Variants in KMT2A observed in about 807,000 individuals in gnomAD.
KMT2A encodes the protein lysine methyltransferase 2A.
In KMT2A, 16 loss-of-function variants were observed where a neutral mutation model predicts 345.3. That is an observed-to-expected ratio of 0.05 (90% CI 0.03 to 0.07). The LOEUF (loss-of-function observed/expected upper bound fraction) is 0.07, where lower values mean the gene tolerates loss of function less well. KMT2A is among the 10% of genes least tolerant of loss of function. The pLI, the probability that KMT2A is intolerant of heterozygous loss-of-function variation, is 1.00. For missense variants in KMT2A, 3,272 were observed against 4,841.6 expected (o/e 0.68, Z 9.62); for synonymous variants, 1,599 against 1,778.6 (o/e 0.90, Z 2.54).
In KMT2A at chr11:118,505,937, A is replaced by C; in HGVS notation, c.10045A>C (p.Met3349Leu). The change falls in exon 27 of 36, where the codon ATG becomes CTG. Residue 3349 changes from methionine (M) to leucine (L), a missense_variant. Met to Leu is a conservative substitution (Grantham distance 15). This residue lies in a region of KMT2A where 748 missense variants were observed against 922.2 expected (regional missense o/e 0.81). Transcript: ENST00000534358. The surrounding 1 kb of genome is among the most constrained non-coding windows in gnomAD (Gnocchi z 4.6). ...TTCCTCTGTCTTGAATGTTGTATCC[A>C]TGCAAACTACCACAACCCCTACAAG... The part of the protein sequence containing the change: ...SSSSVLNVVS[M>L]QTTTTPTSSA... 1 of 1,614,172 alleles carries C rather than the reference A, an allele frequency of 6.2e-7. No individual in the cohort carries two copies. The highest frequency in any genetic ancestry group is 1.1e-5 in the South Asian group (1 of 91,080).
intron 1 of KMT2A, among the ~76,000 whole-genome samples, chr11:118,445,082 G>T (rs1269450509): frequency 2.0e-5 from 3 of 151,904 alleles, no homozygotes; most frequent in Non-Finnish European, 4.4e-5. Context: ...CAAAATAACT[G>T]GTTTTTATTA....
chr11:118,496,312 T>C lies in KMT2A; in HGVS notation c.5609T>C (p.Ile1870Thr), dbSNP rs781950327. The part of the protein sequence containing the change: ...DSPELNPPPG[I>T]EDNRQCALCL... ...CCAGAGCTGAACCCACCCCCAGGCATAGAAGACAATAGACAGTGTGCGTTA... is the reference window on the plus strand; with the variant it reads ...CCAGAGCTGAACCCACCCCCAGGCACAGAAGACAATAGACAGTGTGCGTTA... The change falls in exon 20 of 36, where the codon ATA becomes ACA. Residue 1870 changes from isoleucine (I) to threonine (T), a missense_variant. Ile to Thr is a moderately conservative substitution (Grantham distance 89, BLOSUM62 -1). Transcript: ENST00000534358. This position sits in a 1 kb window ranked among gnomAD's most constrained non-coding sequence, Gnocchi z 4.7. 4.3e-6 allele frequency: 7 copies of C among 1,613,760 alleles called. No homozygotes were observed. The highest frequency in any genetic ancestry group is 3.3e-5 in the Admixed American group (2 of 59,998).
Position 118,472,898 on chromosome 11 carries a change from A to T in KMT2A, c.1739A>T (p.Asp580Val), listed in dbSNP as rs2134264010. Residue 580 changes from aspartate (D) to valine (V), a missense_variant, in exon 3 of 36, where the codon GAC becomes GTC. Asp to Val is a radical substitution (Grantham distance 152). Coordinates refer to ENST00000534358, the MANE Select transcript of KMT2A (RefSeq NM_001197104.2). ...CTGCAGCCAGCCTCCAGTATCTCTG[A>T]CCACACACCTTGGCTTATGCCTCCA... is the stretch of plus-strand genomic sequence containing the variant. The part of the protein sequence containing the change: ...PPLQPASSIS[D>V]HTPWLMPPTI... 6.2e-7 allele frequency: 1 copy of T among 1,613,860 alleles called. No individual in the cohort carries two copies. Among genetic ancestry groups the T allele is most frequent in the Non-Finnish European group, 8.5e-7 (1 of 1,179,942 alleles).
intron 1 of KMT2A, among the ~76,000 whole-genome samples, chr11:118,467,308 C>T (rs889016678): frequency 4.0e-5 from 6 of 150,520 alleles, no homozygotes; most frequent in Non-Finnish European, 5.9e-5. Context: ...ACCCAGGAGG[C>T]GGAGGTTGCA....
At chr11:118,447,459 G>A (rs999549549) in intron 1 of KMT2A, among the ~76,000 whole-genome samples, 16 of 152,326 alleles carry the variant, frequency 1.1e-4, no homozygotes, top group Admixed American at 4.6e-4. Context: ...ACTAATTTAA[G>A]TATGGCAAAG....
At chr11:118,480,288 G>T (rs1555038883) in intron 6 of KMT2A, 50 bp downstream of exon 6, 2 of 1,344,870 alleles carry the variant, frequency 1.5e-6, no homozygotes, top group Admixed American at 3.4e-5. Context: ...CTTAAATGGT[G>T]TATAGTTGTA....
At chr11:118,465,682 G>A (rs1949831206) in intron 1 of KMT2A, among the ~76,000 whole-genome samples, 1 of 152,176 alleles carries the variant, frequency 6.6e-6, no homozygotes, top group Non-Finnish European at 1.5e-5. Context: ...CGTATGAGAA[G>A]ACTGGATTGG....
intron 1 of KMT2A, among the ~76,000 whole-genome samples, chr11:118,452,314 C>A (rs1385357383): frequency 6.6e-6 from 1 of 152,092 alleles, no homozygotes; most frequent in Non-Finnish European, 1.5e-5. Flanking sequence ...AGAGGAAGGA[C>A]CGCATGAGCT....
At chr11:118,486,116 G>A (rs1422771131) in intron 10 of KMT2A, among the ~76,000 whole-genome samples, 4 of 152,042 alleles carry the variant, frequency 2.6e-5, no homozygotes, top group Non-Finnish European at 4.4e-5. Flanking sequence ...ATATATAATG[G>A]CAAATATGAA....
chr11:118,506,329 A>G lies in KMT2A; in HGVS notation c.10437A>G (p.Ser3479=). ...HSSQRDLDSA[S]GPQVSNFTQT... ...CCCAGCGTGATCTTGATTCTGCTTC[A>G]GGGCCCCAGGTATCCAACTTTACCC... The change falls in exon 27 of 36, where the codon TCA becomes TCG. Residue 3479 remains serine, a synonymous_variant. Transcript: ENST00000534358. The G allele has an allele frequency of 6.2e-7, 1 of 1,614,128 alleles. No individual in the cohort carries two copies. The highest frequency in any genetic ancestry group is 8.5e-7 in the Non-Finnish European group (1 of 1,180,010).
chr11:118,473,133 C>G lies in KMT2A; in HGVS notation c.1974C>G (p.Pro658=), dbSNP rs9332773. ...FDNFRPPPLT[P]EDVGFASGFS... ...ATTTCCGACCCCCTCCACTAACTCC[C>G]GAGGACGTTGGCTTTGCATCTGGTT... The change falls in exon 3 of 36, where the codon CCC becomes CCG. Residue 658 remains proline (P), a synonymous_variant. Coordinates refer to ENST00000534358, the MANE Select transcript of KMT2A (RefSeq NM_001197104.2). This position sits in a 1 kb window ranked among gnomAD's most constrained non-coding sequence, Gnocchi z 5.2. The G allele has an allele frequency of 3.7e-6, 6 of 1,614,166 alleles. No individual in the cohort carries two copies. The highest frequency in any genetic ancestry group is 1.1e-5 in the South Asian group (1 of 91,082).
rs1555048369 is a variant in KMT2A, at chr11:118,506,323, T to C, written c.10431T>C (p.Ser3477=). The change falls in exon 27 of 36, where the codon TCT becomes TCC. Residue 3477 remains serine, a synonymous_variant. Transcript: ENST00000534358. ...GIHSSQRDLD[S]ASGPQVSNFT... The stretch of plus-strand genomic sequence containing the variant: ...ATTCTTCCCAGCGTGATCTTGATTC[T>C]GCTTCAGGGCCCCAGGTATCCAACT... 6.2e-7 allele frequency: 1 copy of C among 1,614,070 alleles called. No individual in the cohort carries two copies. The highest frequency in any genetic ancestry group is 1.3e-5 in the African/African-American group (1 of 74,904).
rs1555048025 is a variant in KMT2A, at chr11:118,505,850, T to C, written c.9958T>C (p.Ser3320Pro). ...GGTAATAAGT[S>P]TISQDTSHLT... ...AACTGCTGCCACAGCGGCAGGCACA[T>C]CAACAATAAGCCAGGATACTAGCCA... The change falls in exon 27 of 36, where the codon TCA (serine) becomes CCA (proline). Residue 3320 changes from serine to proline, a missense_variant. Ser to Pro is a moderately conservative substitution (Grantham distance 74). Transcript: ENST00000534358. The surrounding 1 kb of genome is among the most constrained non-coding windows in gnomAD (Gnocchi z 4.6). 2 of 1,614,066 alleles carry C rather than the reference T, an allele frequency of 1.2e-6. No homozygotes were observed. The highest frequency in any genetic ancestry group is 1.3e-5 in the African/African-American group (1 of 74,926).
intron 27 of KMT2A, among the ~76,000 whole-genome samples, chr11:118,507,211 T>C (rs993527233): frequency 4.6e-5 from 7 of 152,140 alleles, no homozygotes; most frequent in Admixed American, 3.3e-4. Flanking sequence ...GGTGGGAGGA[T>C]TGCTTGAGCC....
At chr11:118,462,574 T>A (rs951284275) in intron 1 of KMT2A, among the ~76,000 whole-genome samples, 4 of 152,228 alleles carry the variant, frequency 2.6e-5, no homozygotes, top group Admixed American at 6.5e-5. Flanking sequence ...TTATTTATTT[T>A]TTGAGACAGA....
Position 118,503,839 on chromosome 11 carries a change from A to G in KMT2A, c.7947A>G (p.Pro2649=), listed in dbSNP as rs1555046898. The change falls in exon 27 of 36, where the codon CCA becomes CCG. Residue 2649 remains proline, a synonymous_variant. Transcript: ENST00000534358. This position sits in a 1 kb window ranked among gnomAD's most constrained non-coding sequence, Gnocchi z 5.3. ...GATCCTATGGTGAAGAAGACATTCCATTCTACAGCAGCTCAACTGGGAAGA... is the reference window on the plus strand; with the variant it reads ...GATCCTATGGTGAAGAAGACATTCCGTTCTACAGCAGCTCAACTGGGAAGA... The part of the protein sequence containing the change: ...GVRSYGEEDI[P]FYSSSTGKKR... 1 of 1,614,248 alleles carries G rather than the reference A, an allele frequency of 6.2e-7. No individual in the cohort carries two copies. Among genetic ancestry groups the G allele is most frequent in the Non-Finnish European group, 8.5e-7 (1 of 1,180,034 alleles).
At chr11:118,485,147 G>T (rs1214775226) in intron 10 of KMT2A, among the ~76,000 whole-genome samples, 172 bp downstream of exon 10, 1 of 152,180 alleles carries the variant, frequency 6.6e-6, no homozygotes, top group African/African-American at 2.4e-5. Flanking sequence ...TGCTATTAGA[G>T]TAGCAAAGTT....
At chr11:118,445,901 G>T (rs1342717515) in intron 1 of KMT2A, among the ~76,000 whole-genome samples, 1 of 152,050 alleles carries the variant, frequency 6.6e-6, no homozygotes, top group South Asian at 2.1e-4. Context: ...CTACTCGGGA[G>T]GCTGAGGCAG....
intron 1 of KMT2A, among the ~76,000 whole-genome samples, chr11:118,461,780 A>C (rs1297957070): frequency 6.6e-6 from 1 of 152,136 alleles, no homozygotes; most frequent in Non-Finnish European, 1.5e-5. Flanking sequence ...TACACATATT[A>C]CTGTAGTCTT....
Sources: allele counts gnomAD v4.1 joint callset (sites outside exome capture counted in the v4.1 genomes callset), GRCh38; gene constraint gnomAD v4.1.1; regional missense constraint gnomAD v4.1.1; non-coding constraint Gnocchi (gnomAD v3.1); transcripts MANE v1.5; gene names NCBI Gene and HGNC (gene_info 2026-07-23, HGNC 2026-07-21).